Variants in VIPAS39 observed in about 807,000 individuals in gnomAD.
The protein encoded by VIPAS39 is spermatogenesis-defective protein 39 homolog.
A neutral mutation model predicts 84.7 loss-of-function variants in VIPAS39; 63 were observed. The ratio of observed to expected loss-of-function variants is 0.74; its 90% CI spans 0.61 to 0.92. The LOEUF (loss-of-function observed/expected upper bound fraction) is 0.92. VIPAS39 is among the 40% of genes least tolerant of loss of function. The probability of loss-of-function intolerance (pLI) is 0.00; values close to 1 mark genes in which losing one functional copy is unlikely to be tolerated. For missense variants in VIPAS39, 499 were observed against 604.5 expected (o/e 0.83, Z 1.83); for synonymous variants, 192 against 216.5 (o/e 0.89, Z 0.99).
chr14:77,453,349 T>G lies in VIPAS39; in HGVS notation c.146A>C (p.Asp49Ala), dbSNP rs2078912860. Residue 49 changes from aspartate to alanine, a missense_variant, in exon 3 of 20, where the codon GAT (aspartate) becomes GCT (alanine). Transcript: ENST00000557658. Reference sequence around the variant, plus strand: ...GACTCGCTCCAGGTCATCATCGTCATCATCATCCACGAAGTCTCGGAGGCT... The same window carrying G: ...GACTCGCTCCAGGTCATCATCGTCAGCATCATCCACGAAGTCTCGGAGGCT... ...VNSLRDFVDD[D>A]DDDDLERVSW... is the part of the protein sequence containing the mutation. 3 of 1,613,968 alleles carry G rather than the reference T, an allele frequency of 1.9e-6. No homozygotes were observed. In the African/African-American group the frequency reaches 4.0e-5, roughly 22 times the overall value.
intron 1 of VIPAS39, 114 bp from the exon 2 acceptor site, chr14:77,454,216 G>T: frequency 1.1e-6 from 1 of 940,180 alleles, no homozygotes; most frequent in Admixed American, 2.0e-5. Context: ...ATGCAGAAAA[G>T]AATCTGGTAA....
chr14:77,442,607 G>T lies in VIPAS39; in HGVS notation c.687C>A (p.His229Gln). ...VRQVALRHLI[H>Q]FLKEIGDQKL... is the part of the protein sequence containing the mutation. ...TTTGATCCCCTATTTCCTTAAGGAAGTGAATAAGATGTCTCAGGGCAACCT... is the reference window on the plus strand; with the variant it reads ...TTTGATCCCCTATTTCCTTAAGGAATTGAATAAGATGTCTCAGGGCAACCT... Residue 229 changes from histidine to glutamine, a missense_variant, in exon 10 of 20, where the codon CAC (histidine) becomes CAA (glutamine). His to Gln is a conservative substitution (Grantham distance 24). Coordinates refer to ENST00000557658, the MANE Select transcript of VIPAS39 (RefSeq NM_001193315.2). The T allele has an allele frequency of 4.3e-6, 7 of 1,614,210 alleles. No homozygotes were observed. Among genetic ancestry groups the T allele is most frequent in the Non-Finnish European group, 5.9e-6 (7 of 1,180,026 alleles).
Position 77,430,387 on chromosome 14 carries a change from A to G in VIPAS39, c.1180-620T>C, listed in dbSNP as rs118116722. On this transcript the variant is annotated intron_variant, in intron 16 of 19. Transcript: ENST00000557658. Reference sequence around the variant, plus strand: ...AAACTAATTCATATTGAACCGCCAAAGATCCCACATAGCCAAAGCAATCAA... The same window carrying G: ...AAACTAATTCATATTGAACCGCCAAGGATCCCACATAGCCAAAGCAATCAA... 1.3e-3 allele frequency among the ~76,000 whole-genome samples: 200 copies of G among 152,300 alleles called. 7 individuals are homozygous for G. In the East Asian group the frequency reaches 0.031, roughly 24 times the overall value.
In VIPAS39 at chr14:77,448,364, C is replaced by T. The variant is rs952755048; in HGVS notation, c.504+130G>A. On this transcript the variant is annotated intron_variant, in intron 7 of 19. Coordinates refer to ENST00000557658, the MANE Select transcript of VIPAS39 (RefSeq NM_001193315.2). ...CAGAAATTTTGCCACTGACTTTCAACCTTAGTGGATTTATTTTCCCCCTGA... is the reference window on the plus strand; with the variant it reads ...CAGAAATTTTGCCACTGACTTTCAATCTTAGTGGATTTATTTTCCCCCTGA... The T allele has an allele frequency of 6.1e-6, 6 of 990,960 alleles. 1 individual carries two copies. The highest frequency in any genetic ancestry group is 4.8e-5 in the African/African-American group (3 of 62,938). The allele number at this position is 990,960 out of a possible 1,614,324, so 61.4% of individuals were successfully genotyped here.
intron 11 of VIPAS39, 72 bp from the exon 12 acceptor site, chr14:77,437,953 T>C: frequency 6.7e-7 from 1 of 1,481,640 alleles, no homozygotes; most frequent in Non-Finnish European, 9.4e-7. Context: ...TTAACTGAAC[T>C]TCCCATGCTT....
chr14:77,433,863 T>C lies in VIPAS39; in HGVS notation c.1158A>G (p.Val386=). ...ARAKLRAWND[V]DALFTTKNWL... is the part of the protein sequence containing the mutation. ...ACACCTTTGTGGTGAATAGGGCATC[T>C]ACATCATTCCAGGCTCGAAGCTTGG... The change falls in exon 16 of 20, where the codon GTA becomes GTG. Residue 386 remains valine, a synonymous_variant. Coordinates refer to ENST00000557658, the MANE Select transcript of VIPAS39 (RefSeq NM_001193315.2). The C allele has an allele frequency of 6.2e-7, 1 of 1,614,008 alleles. No individual in the cohort carries two copies. Among genetic ancestry groups the C allele is most frequent in the Non-Finnish European group, 8.5e-7 (1 of 1,179,936 alleles).
intron 11 of VIPAS39, 54 bp from the exon 12 acceptor site, chr14:77,437,935 A>G: frequency 6.4e-7 from 1 of 1,559,608 alleles, no homozygotes; most frequent in African/African-American, 1.4e-5. Flanking sequence ...GATGAGGGAG[A>G]TAGCTGATTA....
At chr14:77,431,020 C>T (rs1271631435) in intron 16 of VIPAS39, among the ~76,000 whole-genome samples, 3 of 152,106 alleles carry the variant, frequency 2.0e-5, no homozygotes, top group African/African-American at 7.2e-5. Flanking sequence ...TATCTTACAC[C>T]ATACACAAAA....
At chr14:77,445,957 G>C (rs1249889275) in intron 7 of VIPAS39, among the ~76,000 whole-genome samples, 1 of 148,512 alleles carries the variant, frequency 6.7e-6, no homozygotes, top group East Asian at 2.0e-4. Context: ...AAAAAAAAAA[G>C]TTTTATATAT....
At chr14:77,441,762 T>C (rs1413371218) in intron 10 of VIPAS39, among the ~76,000 whole-genome samples, 1 of 152,218 alleles carries the variant, frequency 6.6e-6, no homozygotes, top group Non-Finnish European at 1.5e-5. Context: ...ATTGCTGTGC[T>C]GGAGTCACTG....
chr14:77,455,846 A>G (rs2078952483), intron 1 of VIPAS39, among the ~76,000 whole-genome samples: 3 of 152,122 alleles, frequency 2.0e-5, no homozygotes, highest in Admixed American at 2.0e-4. Context: ...TCACTAATTG[A>G]TTTCTACTGG....
At chr14:77,457,430 G>C in intron 1 of VIPAS39, 65 bp downstream of exon 1, 6 of 1,531,202 alleles carry the variant, frequency 3.9e-6, no homozygotes, top group Non-Finnish European at 5.2e-6. Flanking sequence ...GAGGGGAAAA[G>C]ATCAAGATGC....
chr14:77,451,081 T>C (rs912294421), intron 4 of VIPAS39, 106 bp downstream of exon 4: 2 of 1,547,940 alleles, frequency 1.3e-6, no homozygotes, highest in African/African-American at 1.4e-5. Context: ...TGAGAATGCT[T>C]TACCCTTCAA....
At chr14:77,441,043 A>T (rs765881409) in intron 11 of VIPAS39, 23 bp downstream of exon 11, 1 of 1,612,702 alleles carries the variant, frequency 6.2e-7, no homozygotes, top group Non-Finnish European at 8.5e-7. Flanking sequence ...CAGGTACCCA[A>T]CTGAAACAAA....
chr14:77,452,911 T>C (rs186741907), intron 3 of VIPAS39, among the ~76,000 whole-genome samples: 80 of 152,148 alleles, frequency 5.3e-4, no homozygotes, highest in Middle Eastern at 3.4e-3. Context: ...CTGAGTCAAG[T>C]CAGTAGTTCC....
intron 10 of VIPAS39, 88 bp from the exon 11 acceptor site, chr14:77,441,181 A>G (rs1471983619): frequency 1.4e-6 from 2 of 1,446,706 alleles, no homozygotes; most frequent in Non-Finnish European, 9.7e-7. Flanking sequence ...CCTCTAGGAG[A>G]AACACAATTC....
rs1200373501 is a variant in VIPAS39 at position 77,449,762 on chromosome 14, A to G, written c.344-10T>C. 1 of 1,614,048 alleles carries G rather than the reference A, an allele frequency of 6.2e-7. No homozygotes were observed. Among genetic ancestry groups the G allele is most frequent in the African/African-American group, 1.3e-5 (1 of 74,938 alleles). On this transcript the variant is annotated splice_polypyrimidine_tract_variant and intron_variant, in intron 4 of 19. Transcript: ENST00000557658. ...CCAGGTCTAGTTCTACCTAAAGGTA[A>G]AGAACACAAGAGGGAAAAGGTCAAC... is the stretch of plus-strand genomic sequence containing the variant.
chr14:77,449,580 T>C, intron 5 of VIPAS39, 134 bp downstream of exon 5: 2 of 1,343,654 alleles, frequency 1.5e-6, no homozygotes, highest in Non-Finnish European at 2.1e-6. Context: ...TATCAGAAAA[T>C]TCCTCTAATA....
intron 7 of VIPAS39, among the ~76,000 whole-genome samples, chr14:77,444,557 T>C (rs2078756236): frequency 6.6e-6 from 1 of 152,184 alleles, no homozygotes; most frequent in Admixed American, 6.5e-5. Context: ...TCCTGAAGTC[T>C]TGATAAAGTC....
Sources: gnomAD v4.1 joint callset for allele counts (sites outside exome capture counted in the v4.1 genomes callset) on GRCh38, gnomAD v4.1.1 for gene constraint, MANE v1.5 for transcripts, NCBI Gene and HGNC (gene_info 2026-07-23, HGNC 2026-07-21) for gene names.